FBXO4: variants seen among roughly 807,000 people sequenced by gnomAD.
FBXO4 encodes F-box protein 4.
A neutral mutation model predicts 43.7 loss-of-function variants in FBXO4; 36 were observed. The ratio of observed to expected loss-of-function variants is 0.82; its 90% CI spans 0.63 to 1.09. FBXO4 has a LOEUF of 1.09. Ranked by LOEUF, FBXO4 falls within the 50% of genes least tolerant of loss-of-function variation. FBXO4 has a pLI of 0.00. For synonymous variants in FBXO4, 180 were observed against 165.6 expected (o/e 1.09, Z -0.67); for missense variants, 435 against 474.1 (o/e 0.92, Z 0.77).
chr5:41,968,483 C>T, the FBXO4 span: 1 of 152,304 alleles, frequency 6.6e-6, no homozygotes, highest in African/African-American at 2.4e-5. Flanking sequence ...AAATTAAGTT[C>T]CGCAGAAAAG....
At chr5:42,031,318 C>T in the FBXO4 span, among the ~76,000 whole-genome samples, 2,442 of 151,428 alleles carry the variant, frequency 0.016, 121 homozygotes, top group East Asian at 0.1. Context: ...GGGACATGGA[C>T]GAAACTGGAA....
chr5:41,930,423 G>C lies in FBXO4; in HGVS notation c.646+506G>C, dbSNP rs148413858. Among the ~76,000 whole-genome samples the C allele has an allele frequency of 4.9e-3, 751 of 152,272 alleles. 7 individuals carry two copies. Among genetic ancestry groups the C allele is most frequent in the African/African-American group, 0.017 (703 of 41,544 alleles). On this transcript the variant is annotated intron_variant, in intron 3 of 6. Transcript: ENST00000281623. ...CAGCCCCTATAAGTGAGATGATAGG[G>C]ATGCAGATTTAGAACAATGTCTCTG... is the stretch of plus-strand genomic sequence containing the variant.
chr5:41,925,298 T>A lies in FBXO4; in HGVS notation c.-12T>A. The A allele has an allele frequency of 7.5e-7, 1 of 1,326,500 alleles. No homozygotes were observed. Among genetic ancestry groups the A allele is most frequent in the Non-Finnish European group, 9.7e-7 (1 of 1,032,640 alleles). 82.2% of individuals were successfully genotyped at this position (1,326,500 alleles called of 1,614,324 possible). On this transcript the variant is annotated 5_prime_UTR_variant, in exon 1 of 7. Transcript: ENST00000281623. ...TGGCTCTAAGACGCGTCACCCACGC[T>A]GCGGGCAAGCCATGGCGGGAAGCGA... is the stretch of plus-strand genomic sequence containing the variant.
the FBXO4 span, among the ~76,000 whole-genome samples, chr5:41,984,731 G>A: frequency 6.6e-6 from 1 of 152,072 alleles, no homozygotes; most frequent in South Asian, 2.1e-4. Flanking sequence ...GGCTGGTCTC[G>A]AAATCCTGAC....
At chr5:42,003,657 T>A in the FBXO4 span, among the ~76,000 whole-genome samples, 3 of 147,364 alleles carry the variant, frequency 2.0e-5, no homozygotes, top group Non-Finnish European at 4.5e-5. Flanking sequence ...CTCCTAATGC[T>A]ATCCCTCCCC....
the FBXO4 span, among the ~76,000 whole-genome samples, chr5:41,976,614 C>G: frequency 6.6e-6 from 1 of 152,206 alleles, no homozygotes; most frequent in African/African-American, 2.4e-5. Context: ...CACACTGGTG[C>G]AAGGTGTGGG....
At chr5:41,934,683 TTGTC>T (rs1751804750) in intron 5 of FBXO4, 2 of 1,079,354 alleles carry the variant, frequency 1.9e-6, no homozygotes, top group Admixed American at 9.6e-5. Context: ...TACTGACATT[TTGTC>T]TGCTTCTGGC....
At chr5:41,934,094 G>C in intron 4 of FBXO4, 39 bp from the exon 5 acceptor site, 1 of 1,612,430 alleles carries the variant, frequency 6.2e-7, no homozygotes, top group African/African-American at 1.3e-5. Context: ...AGCCTGTTTA[G>C]TGTCTTTTTA....
chr5:41,999,923 C>A, the FBXO4 span, among the ~76,000 whole-genome samples: 5 of 152,134 alleles, frequency 3.3e-5, no homozygotes, highest in African/African-American at 9.6e-5. Flanking sequence ...AACCTTCAAG[C>A]CAATCAAGTT....
chr5:41,927,307 C>A, intron 2 of FBXO4, 59 bp downstream of exon 2: 2 of 1,267,502 alleles, frequency 1.6e-6, no homozygotes, highest in Non-Finnish European at 2.2e-6. Context: ...TATTACTAGT[C>A]AATATCCAAG....
chr5:41,981,702 C>T, the FBXO4 span, among the ~76,000 whole-genome samples: 1 of 147,902 alleles, frequency 6.8e-6, no homozygotes, highest in Non-Finnish European at 1.5e-5. Context: ...TAGGTGTCCT[C>T]TAATTTCTTT....
At chr5:41,958,368 T>G in the FBXO4 span, among the ~76,000 whole-genome samples, 1 of 152,278 alleles carries the variant, frequency 6.6e-6, no homozygotes, top group East Asian at 1.9e-4. Flanking sequence ...TCTCCTGACC[T>G]CGTGATCGCC....
chr5:41,993,733 G>C, the FBXO4 span, among the ~76,000 whole-genome samples: 1,330 of 151,890 alleles, frequency 8.8e-3, 28 homozygotes, highest in African/African-American at 0.031. Context: ...TGTGCAAGCT[G>C]AGGAGCAAGG....
At chr5:42,029,101 C>T in the FBXO4 span, among the ~76,000 whole-genome samples, 1 of 151,848 alleles carries the variant, frequency 6.6e-6, no homozygotes, top group Non-Finnish European at 1.5e-5. Context: ...TGAAGTACTC[C>T]CTTTGGCTTT....
chr5:41,936,858 G>A (rs1751863645), intron 5 of FBXO4, among the ~76,000 whole-genome samples: 1 of 151,590 alleles, frequency 6.6e-6, no homozygotes, highest in Admixed American at 6.6e-5. Flanking sequence ...TTTCTTAAAG[G>A]GACAAATAGT....
the FBXO4 span, among the ~76,000 whole-genome samples, chr5:41,997,724 G>A: frequency 6.6e-6 from 1 of 152,188 alleles, no homozygotes; most frequent in Admixed American, 6.5e-5. Flanking sequence ...CTCAGAGCCA[G>A]TGTCCAGTAC....
At chr5:41,971,028 T>C in the FBXO4 span, among the ~76,000 whole-genome samples, 165 of 152,090 alleles carry the variant, frequency 1.1e-3, 1 homozygote, top group African/African-American at 3.9e-3. Flanking sequence ...CATTTGATAT[T>C]TGAATGGACA....
At chr5:41,998,490 A>T in the FBXO4 span, among the ~76,000 whole-genome samples, 1 of 152,198 alleles carries the variant, frequency 6.6e-6, no homozygotes, top group African/African-American at 2.4e-5. Flanking sequence ...ATTTCCAGCT[A>T]GCTCACAGTG....
the FBXO4 span, among the ~76,000 whole-genome samples, chr5:42,026,016 A>C: frequency 2.0e-5 from 3 of 151,904 alleles, no homozygotes; most frequent in Admixed American, 6.6e-5. Flanking sequence ...AGCTTTGGCT[A>C]TTCTGGGTCT....
Sources: allele counts gnomAD v4.1 joint callset (sites outside exome capture counted in the v4.1 genomes callset), GRCh38; gene constraint gnomAD v4.1.1; transcripts MANE v1.5; gene names NCBI Gene and HGNC (gene_info 2026-07-23, HGNC 2026-07-21).